Variants in ARMC2 observed in about 807,000 individuals in gnomAD.
ARMC2 encodes the protein armadillo repeat containing 2, also known as armadillo repeat-containing protein 2.
Under a neutral mutation model 90.3 loss-of-function variants are expected in ARMC2, and 67 were observed. That is an observed-to-expected ratio of 0.74 (90% CI 0.61 to 0.91). ARMC2 has a LOEUF of 0.91. Ranked by LOEUF, ARMC2 falls within the 40% of genes least tolerant of loss-of-function variation. ARMC2 has a pLI of 0.00. For missense variants in ARMC2, 920 were observed against 1,030.9 expected, an observed-to-expected ratio of 0.89 and a Z score of 1.47; for synonymous variants, 393 against 393.0, an observed-to-expected ratio of 1.00 and a Z score of 0.00.
rs1173637475 is a variant in ARMC2 at position 108,901,098 on chromosome 6, ATTTTTTTTTTTTTTTT to A, written c.847+1328_847+1343del. On this transcript the variant is annotated intron_variant, in intron 7 of 17. Transcript: ENST00000392644. ...GAAGCCTTCCTACAGGAAAGAAGGA[ATTTTTTTTTTTTTTTT>A]TTTTTTTTTTTTTTTTTTTTTGAGA... Among the ~76,000 whole-genome samples, 482 of 59,360 alleles carry A rather than the reference ATTTTTTTTTTTTTTTT, an allele frequency of 8.1e-3. 5 individuals are homozygous for A. Among genetic ancestry groups the A allele is most frequent in the African/African-American group, 0.024 (339 of 14,240 alleles). 38.9% of individuals were successfully genotyped at this position (59,360 alleles called of 152,430 possible).
chr6:109,045,921 T>C, the ARMC2 span, among the ~76,000 whole-genome samples: 6 of 152,226 alleles, frequency 3.9e-5, no homozygotes, highest in Middle Eastern at 3.2e-3. Context: ...AGAACTCTGA[T>C]TGAAAATAAG....
intron 12 of ARMC2, among the ~76,000 whole-genome samples, chr6:108,952,468 G>C (rs976512568): frequency 6.6e-6 from 1 of 150,648 alleles, no homozygotes; most frequent in African/African-American, 2.4e-5. Context: ...TCTCCACAGG[G>C]GGCAATTTTG....
the ARMC2 span, among the ~76,000 whole-genome samples, chr6:109,019,952 G>T: frequency 6.6e-6 from 1 of 152,132 alleles, no homozygotes; most frequent in East Asian, 1.9e-4. Context: ...TACATAAGTG[G>T]GTTTTAAAAA....
At chr6:108,887,413 A>G (rs1309176198) in intron 5 of ARMC2, among the ~76,000 whole-genome samples, 1 of 152,042 alleles carries the variant, frequency 6.6e-6, no homozygotes, top group Non-Finnish European at 1.5e-5. Context: ...GCAAGAGAAG[A>G]CTTTGCTTTT....
chr6:108,893,875 G>A (rs1236421673), intron 5 of ARMC2, among the ~76,000 whole-genome samples: 2 of 151,996 alleles, frequency 1.3e-5, no homozygotes, highest in African/African-American at 2.4e-5. Context: ...AAAATTATCC[G>A]GGCATGGTGG....
chr6:109,013,979 T>TA, the ARMC2 span, among the ~76,000 whole-genome samples: 1 of 152,132 alleles, frequency 6.6e-6, no homozygotes, highest in Admixed American at 6.5e-5. Context: ...CACTGAACTT[T>TA]AAACTGATCC....
intron 12 of ARMC2, 122 bp from the exon 13 acceptor site, chr6:108,952,911 C>G (rs896774356): frequency 1.0e-6 from 1 of 976,794 alleles, no homozygotes; most frequent in Admixed American, 2.7e-5. Flanking sequence ...ACAAGTGAGC[C>G]GAAGCCAGAC....
chr6:108,918,974 AT>A (rs1421898741), intron 10 of ARMC2, among the ~76,000 whole-genome samples: 1 of 152,238 alleles, frequency 6.6e-6, no homozygotes, highest in African/African-American at 2.4e-5. Flanking sequence ...CAAATATTTA[AT>A]CTTTTTGTTC....
At chr6:108,902,814 A>G (rs911825733) in intron 7 of ARMC2, among the ~76,000 whole-genome samples, 2 of 152,124 alleles carry the variant, frequency 1.3e-5, no homozygotes, top group Non-Finnish European at 2.9e-5. Flanking sequence ...ATTTGACAGA[A>G]TACATTAGAT....
intron 5 of ARMC2, among the ~76,000 whole-genome samples, chr6:108,891,784 C>G (rs986887145): frequency 2.0e-5 from 3 of 152,128 alleles, no homozygotes; most frequent in Non-Finnish European, 4.4e-5. Context: ...GCTTTTGTTG[C>G]CATTGCTTTT....
chr6:108,910,813 A>T, intron 8 of ARMC2, 86 bp from the exon 9 acceptor site: 1 of 659,486 alleles, frequency 1.5e-6, no homozygotes, highest in Non-Finnish European at 2.4e-6. Flanking sequence ...CTGTTGCTGT[A>T]CTTTAAAAAT....
At chr6:108,998,398 C>CA in the ARMC2 span, 1 of 1,228,780 alleles carries the variant, frequency 8.1e-7, no homozygotes, top group Non-Finnish European at 1.1e-6. Flanking sequence ...TATAGGGGCC[C>CA]AATATCTCCA....
At chr6:108,994,109 C>A in the ARMC2 span, among the ~76,000 whole-genome samples, 1 of 141,110 alleles carries the variant, frequency 7.1e-6, no homozygotes, top group African/African-American at 2.7e-5. Flanking sequence ...CACTGCACTT[C>A]AGCCTGGCAA....
intron 3 of ARMC2, among the ~76,000 whole-genome samples, chr6:108,866,081 G>C (rs1454873545): frequency 6.6e-6 from 1 of 150,598 alleles, no homozygotes; most frequent in Non-Finnish European, 1.5e-5. Flanking sequence ...AGAAGGAGCT[G>C]TTTACTTTGT....
chr6:108,912,062 TAGTA>T (rs954164483), intron 9 of ARMC2, among the ~76,000 whole-genome samples: 15 of 152,168 alleles, frequency 9.9e-5, no homozygotes, highest in Non-Finnish European at 1.9e-4. Flanking sequence ...AATAAATAAT[TAGTA>T]AGAGGCAAGG....
At chr6:108,990,902 G>T in the ARMC2 span, 3 of 1,338,800 alleles carry the variant, frequency 2.2e-6, no homozygotes, top group Non-Finnish European at 3.1e-6. Flanking sequence ...CTATAGCTCT[G>T]TAGCATGGTA....
At chr6:109,009,523 C>A in the ARMC2 span, 1 of 1,187,174 alleles carries the variant, frequency 8.4e-7, no homozygotes, top group Non-Finnish European at 1.0e-6. Context: ...GGCCGCGGCT[C>A]CTGGCTGCAG....
chr6:108,948,145 C>T (rs893848162), intron 12 of ARMC2, among the ~76,000 whole-genome samples: 13 of 152,196 alleles, frequency 8.5e-5, no homozygotes, highest in Admixed American at 7.8e-4. Context: ...TGAGATGGCT[C>T]GGGCTGTGGA....
the ARMC2 span, among the ~76,000 whole-genome samples, chr6:109,025,497 G>A: frequency 1.3e-5 from 2 of 150,326 alleles, no homozygotes; most frequent in Non-Finnish European, 3.0e-5. Context: ...AATCACCTAA[G>A]ACTGCAAAGT....
Sources: allele counts gnomAD v4.1 joint callset (sites outside exome capture counted in the v4.1 genomes callset), GRCh38; gene constraint gnomAD v4.1.1; transcripts MANE v1.5; gene names NCBI Gene and HGNC (gene_info 2026-07-23, HGNC 2026-07-21).